The following ZNF536 variants were observed in gnomAD, a reference collection of about 807,000 sequenced individuals.
ZNF536 encodes the protein zinc finger protein 536.
ZNF536 carries 13 observed loss-of-function variants against 84.5 expected under a neutral mutation model. That is an observed-to-expected ratio of 0.15 (90% confidence interval 0.10 to 0.24). The LOEUF is 0.24. Among genes scored for constraint, ZNF536 ranks in the 10% least tolerant of loss-of-function variants. ZNF536 has a pLI of 1.00. For missense variants in ZNF536, 1,536 were observed against 1,747.5 expected, an observed-to-expected ratio of 0.88 and a Z score of 2.16; for synonymous variants, 811 against 742.5, an observed-to-expected ratio of 1.09 and a Z score of -1.50.
chr19:30,670,825 G>C (rs1457072715), intron 1 of ZNF536, among the ~76,000 whole-genome samples: 2 of 152,200 alleles, frequency 1.3e-5, no homozygotes, highest in East Asian at 3.9e-4. Context: ...GCTCTCTGCT[G>C]TATCCCTGCC....
intron 1 of ZNF536, among the ~76,000 whole-genome samples, chr19:30,606,586 G>A (rs2047900426): frequency 6.6e-6 from 1 of 152,166 alleles, no homozygotes; most frequent in African/African-American, 2.4e-5. Context: ...AGACCCTGAA[G>A]GTGTTTGGTT....
intron 1 of ZNF536, among the ~76,000 whole-genome samples, chr19:30,691,085 G>A (rs1234407716): frequency 1.3e-5 from 2 of 152,172 alleles, no homozygotes; most frequent in African/African-American, 2.4e-5. Context: ...AAGGGCTGGA[G>A]GTGGGGAGGG....
intron 1 of ZNF536, among the ~76,000 whole-genome samples, chr19:30,698,892 T>C (rs2051775437): frequency 6.6e-6 from 1 of 152,226 alleles, no homozygotes; most frequent in Non-Finnish European, 1.5e-5. Flanking sequence ...CAAAATTATT[T>C]GGAATGCACA....
chr19:30,636,053 C>G (rs1261356765), intron 1 of ZNF536, among the ~76,000 whole-genome samples: 1 of 152,168 alleles, frequency 6.6e-6, no homozygotes, highest in Non-Finnish European at 1.5e-5. Flanking sequence ...AGGAAAACAC[C>G]CAGCCAAAGG....
At chr19:30,528,786 T>C (rs924683230) in intron 2 of ZNF536, among the ~76,000 whole-genome samples, 2 of 152,108 alleles carry the variant, frequency 1.3e-5, no homozygotes, top group South Asian at 2.1e-4. Context: ...GCAAGAGAAG[T>C]TGGGATACGT....
chr19:30,527,954 T>G (rs893155065), intron 2 of ZNF536, among the ~76,000 whole-genome samples: 2 of 152,166 alleles, frequency 1.3e-5, no homozygotes, highest in Admixed American at 6.5e-5. Flanking sequence ...CCCCTTAGAC[T>G]CCACAAATAG....
chr19:30,406,871 T>C (rs1265564901), intron 1 of ZNF536, among the ~76,000 whole-genome samples: 1 of 152,322 alleles, frequency 6.6e-6, no homozygotes, highest in East Asian at 1.9e-4. Context: ...AAAAGATGTT[T>C]GATCCCTAAA....
chr19:30,593,953 T>C (rs1382448735), intron 1 of ZNF536, among the ~76,000 whole-genome samples: 1 of 152,226 alleles, frequency 6.6e-6, no homozygotes, highest in Non-Finnish European at 1.5e-5. Flanking sequence ...AAAGATCTCA[T>C]TGATTGTCCT....
At chr19:30,451,543 G>T (rs2052608183) in intron 2 of ZNF536, among the ~76,000 whole-genome samples, 1 of 152,200 alleles carries the variant, frequency 6.6e-6, no homozygotes, top group African/African-American at 2.4e-5. Flanking sequence ...CAGAAAGAGG[G>T]TACTTGCACA....
At chr19:30,396,625 C>T (rs907176601) in intron 1 of ZNF536, among the ~76,000 whole-genome samples, 6 of 130,962 alleles carry the variant, frequency 4.6e-5, no homozygotes, top group Non-Finnish European at 7.9e-5. Context: ...GACAAAGTCT[C>T]TCTCTGTCGC....
intron 2 of ZNF536, among the ~76,000 whole-genome samples, chr19:30,503,182 C>T (rs2055020288): frequency 6.6e-6 from 1 of 152,160 alleles, no homozygotes; most frequent in African/African-American, 2.4e-5. Flanking sequence ...CACACACACA[C>T]ACTCCCAAAC....
chr19:30,260,487 C>A (rs537574257), intron 1 of ZNF536, among the ~76,000 whole-genome samples: 1 of 152,196 alleles, frequency 6.6e-6, no homozygotes, highest in African/African-American at 2.4e-5. Flanking sequence ...TGAGATGCTG[C>A]GAGGAAGGTT....
At chr19:30,273,428 T>C (rs2025962632) in intron 1 of ZNF536, among the ~76,000 whole-genome samples, 1 of 152,158 alleles carries the variant, frequency 6.6e-6, no homozygotes, top group Admixed American at 6.5e-5. Flanking sequence ...ATTTTAGCTG[T>C]TGTGATAGGG....
At chr19:30,614,910 C>T (rs1263530243) in intron 1 of ZNF536, among the ~76,000 whole-genome samples, 1 of 138,822 alleles carries the variant, frequency 7.2e-6, no homozygotes, top group Non-Finnish European at 1.5e-5. Flanking sequence ...TTTATATTAA[C>T]CCCATGTTTT....
At chr19:30,640,706 T>A (rs1028994424) in intron 1 of ZNF536, among the ~76,000 whole-genome samples, 1 of 152,200 alleles carries the variant, frequency 6.6e-6, no homozygotes. Context: ...CCATATCCTA[T>A]ATGAAGTGGT....
chr19:30,658,919 G>A (rs2050017677), intron 1 of ZNF536, among the ~76,000 whole-genome samples: 1 of 152,164 alleles, frequency 6.6e-6, no homozygotes, highest in Non-Finnish European at 1.5e-5. Flanking sequence ...CTAGTTGTTA[G>A]GTACATAAGT....
intron 2 of ZNF536, among the ~76,000 whole-genome samples, chr19:30,325,286 C>G (rs1043959152): frequency 7.9e-5 from 12 of 152,194 alleles, no homozygotes; most frequent in Non-Finnish European, 1.2e-4. Context: ...TCACCCCCAC[C>G]CTTGGGGCCA....
intron 2 of ZNF536, among the ~76,000 whole-genome samples, chr19:30,287,013 C>A (rs1219238837): frequency 6.6e-6 from 1 of 152,204 alleles, no homozygotes; most frequent in Non-Finnish European, 1.5e-5. Context: ...TTATTTGGTG[C>A]AGGAAGCATT....
chr19:30,592,815 C>A (rs982678038), intron 1 of ZNF536, among the ~76,000 whole-genome samples: 20 of 152,054 alleles, frequency 1.3e-4, no homozygotes, highest in African/African-American at 4.8e-4. Flanking sequence ...TACTGTTTAG[C>A]AAATTCTTGT....
Sources: gnomAD v4.1 joint callset for allele counts (sites outside exome capture counted in the v4.1 genomes callset) on GRCh38, gnomAD v4.1.1 for gene constraint, MANE v1.5 for transcripts, NCBI Gene and HGNC (gene_info 2026-07-23, HGNC 2026-07-21) for gene names.